MEI4: variants seen among roughly 807,000 people sequenced by gnomAD.
MEI4 encodes the protein meiosis-specific protein MEI4.
A neutral mutation model predicts 31.4 loss-of-function variants in MEI4; 27 were observed. The ratio of observed to expected loss-of-function variants is 0.86; its 90% CI spans 0.63 to 1.19. MEI4 has a LOEUF of 1.19. Among genes scored for constraint, MEI4 ranks in the 50% most tolerant of loss-of-function variants. The pLI, the probability that MEI4 is intolerant of heterozygous loss-of-function variation, is 0.00. For synonymous variants in MEI4, 122 were observed against 145.4 expected, an observed-to-expected ratio of 0.84 and a Z score of 1.16; for missense variants, 329 against 398.9, an observed-to-expected ratio of 0.82 and a Z score of 1.49.
intron 1 of MEI4, among the ~76,000 whole-genome samples, chr6:77,665,739 G>A (rs185293531): frequency 0.011 from 1,668 of 152,290 alleles, 28 homozygotes; most frequent in African/African-American, 0.037. Context: ...GTCTCGCCCG[G>A]AAAATGAAAG....
chr6:77,716,664 A>C (rs1312098817), intron 2 of MEI4: 2 of 155,654 alleles, frequency 1.3e-5, no homozygotes, highest in African/African-American at 4.8e-5. Flanking sequence ...AGTTGGCAAA[A>C]GGTAAGTAGA....
At chr6:77,902,717 G>A (rs1766210010) in intron 4 of MEI4, among the ~76,000 whole-genome samples, 1 of 152,082 alleles carries the variant, frequency 6.6e-6, no homozygotes, top group African/African-American at 2.4e-5. Context: ...CTTTAGAGAG[G>A]ATAATCAGAA....
Position 77,803,001 on chromosome 6 carries a change from G to A in MEI4, c.769-25930G>A, listed in dbSNP as rs189271082. Among the ~76,000 whole-genome samples the A allele has an allele frequency of 6.8e-3, 1,029 of 152,184 alleles. 9 individuals are homozygous for A. Among genetic ancestry groups the A allele is most frequent in the African/African-American group, 0.023 (939 of 41,514 alleles). On this transcript the variant is annotated intron_variant, in intron 3 of 4. Coordinates refer to ENST00000684080, the MANE Select transcript of MEI4 (RefSeq NM_001322247.2). Reference sequence around the variant, plus strand: ...CTTTGTGGCATTCTCTGTATTTCCTGAATTTGAATGTTGGCCTGCCTTGCT... The same window carrying A: ...CTTTGTGGCATTCTCTGTATTTCCTAAATTTGAATGTTGGCCTGCCTTGCT...
In MEI4 at chr6:77,687,277, G is replaced by A. The variant is rs112454093; in HGVS notation, c.-14-3381G>A. Among the ~76,000 whole-genome samples the A allele has an allele frequency of 8.0e-3, 1,224 of 152,174 alleles. 14 individuals carry two copies. The highest frequency in any genetic ancestry group is 0.027 in the African/African-American group (1,106 of 41,512). On this transcript the variant is annotated intron_variant, in intron 1 of 4. Coordinates refer to ENST00000684080, the MANE Select transcript of MEI4 (RefSeq NM_001322247.2). ...GAATTAAGAGACACTACATACCTTC[G>A]TGGGAGATATTAAATGTTCATTTTC...
intron 4 of MEI4, among the ~76,000 whole-genome samples, chr6:77,854,493 G>A (rs1343864810): frequency 2.7e-5 from 4 of 148,052 alleles, no homozygotes; most frequent in Non-Finnish European, 5.9e-5. Flanking sequence ...ATCTTTTTTA[G>A]TAAGATAAAA....
intron 2 of MEI4, among the ~76,000 whole-genome samples, chr6:77,735,852 A>C (rs896935006): frequency 5.9e-5 from 9 of 152,026 alleles, no homozygotes; most frequent in Non-Finnish European, 8.8e-5. Flanking sequence ...TCCTTCTAAC[A>C]GACAGGACCC....
chr6:77,735,703 A>G (rs1162092755), intron 2 of MEI4, among the ~76,000 whole-genome samples: 1 of 151,814 alleles, frequency 6.6e-6, no homozygotes, highest in Non-Finnish European at 1.5e-5. Context: ...GGAGGAGGAG[A>G]GGTGCTCTGA....
chr6:77,799,841 TC>T (rs1315459185), intron 3 of MEI4, among the ~76,000 whole-genome samples: 17 of 152,162 alleles, frequency 1.1e-4, no homozygotes, highest in Non-Finnish European at 2.2e-4. Context: ...CTGTTCTGGT[TC>T]CATTCGTCTA....
At chr6:77,762,046 G>A (rs762474718) in intron 3 of MEI4, among the ~76,000 whole-genome samples, 29 of 152,194 alleles carry the variant, frequency 1.9e-4, no homozygotes, top group Non-Finnish European at 4.0e-4. Context: ...CTTAACGTCT[G>A]TGAGTGTTAA....
intron 4 of MEI4, among the ~76,000 whole-genome samples, chr6:77,911,208 T>C (rs1766427703): frequency 6.6e-6 from 1 of 152,130 alleles, no homozygotes; most frequent in Non-Finnish European, 1.5e-5. Flanking sequence ...TATTCTCTCA[T>C]TCTGTAAGTT....
chr6:77,706,325 C>G (rs1403651859), intron 2 of MEI4, among the ~76,000 whole-genome samples: 1 of 152,160 alleles, frequency 6.6e-6, no homozygotes, highest in African/African-American at 2.4e-5. Context: ...GAGTGCCACA[C>G]AGAGAGGCCA....
At chr6:77,904,885 T>A (rs563538329) in intron 4 of MEI4, among the ~76,000 whole-genome samples, 2 of 152,282 alleles carry the variant, frequency 1.3e-5, no homozygotes, top group African/African-American at 4.8e-5. Context: ...TATTATTATT[T>A]TTAGTATTTT....
chr6:77,784,408 G>A (rs997706405), intron 3 of MEI4, among the ~76,000 whole-genome samples: 2 of 152,008 alleles, frequency 1.3e-5, no homozygotes, highest in South Asian at 2.1e-4. Context: ...TAGCTGTTTC[G>A]GCAAATGTTG....
At chr6:77,899,663 T>TAA (rs1314206802) in intron 4 of MEI4, among the ~76,000 whole-genome samples, 1 of 152,230 alleles carries the variant, frequency 6.6e-6, no homozygotes, top group East Asian at 1.9e-4. Flanking sequence ...TGCTAGTATG[T>TAA]AAAAATTACT....
chr6:77,907,444 A>G (rs1766322412), intron 4 of MEI4, among the ~76,000 whole-genome samples: 1 of 152,138 alleles, frequency 6.6e-6, no homozygotes, highest in Admixed American at 6.5e-5. Flanking sequence ...AGCTTCATCC[A>G]TGTCCCTACA....
At chr6:77,699,213 GGA>G (rs1349786483) in intron 2 of MEI4, among the ~76,000 whole-genome samples, 1 of 119,772 alleles carries the variant, frequency 8.3e-6, no homozygotes, top group Non-Finnish European at 1.6e-5. Flanking sequence ...TTTTTGAGAC[GGA>G]GTCTCGCTCT....
chr6:77,680,358 G>C (rs558043824), intron 1 of MEI4, among the ~76,000 whole-genome samples: 1 of 152,000 alleles, frequency 6.6e-6, no homozygotes, highest in Non-Finnish European at 1.5e-5. Flanking sequence ...GTGGGGTAGT[G>C]GGGTAAGTCG....
intron 3 of MEI4, among the ~76,000 whole-genome samples, chr6:77,814,768 C>A (rs990139562): frequency 6.6e-6 from 1 of 152,072 alleles, no homozygotes; most frequent in Middle Eastern, 3.4e-3. Flanking sequence ...CATACCTTCC[C>A]TTTTCCCCCT....
intron 2 of MEI4, among the ~76,000 whole-genome samples, chr6:77,695,083 A>G (rs957517684): frequency 3.3e-5 from 5 of 152,138 alleles, no homozygotes; most frequent in Non-Finnish European, 7.4e-5. Context: ...GTCTGTTCGT[A>G]TCCTTCGCCC....
Sources: allele counts gnomAD v4.1 joint callset (sites outside exome capture counted in the v4.1 genomes callset), GRCh38; gene constraint gnomAD v4.1.1; transcripts MANE v1.5; gene names NCBI Gene and HGNC (gene_info 2026-07-23, HGNC 2026-07-21).